Variants in NBPF11 observed in about 807,000 individuals in gnomAD.
The protein encoded by NBPF11 is NBPF family member NBPF11.
Under a neutral mutation model 93.9 loss-of-function variants are expected in NBPF11, and 72 were observed. The ratio of observed to expected loss-of-function variants is 0.77; its 90% CI spans 0.63 to 0.93. NBPF11 has a LOEUF of 0.93. NBPF11 is among the 40% of genes least tolerant of loss of function. The pLI is 0.00. For synonymous variants in NBPF11, 224 were observed against 304.9 expected, an observed-to-expected ratio of 0.73 and a Z score of 2.76; for missense variants, 705 against 802.2, an observed-to-expected ratio of 0.88 and a Z score of 1.46.
At chr1:148,142,360 T>C (rs1672332758) in intron 2 of NBPF11, among the ~76,000 whole-genome samples, 1 of 151,950 alleles carries the variant, frequency 6.6e-6, no homozygotes, top group Non-Finnish European at 1.5e-5. Context: ...ATTATTCCTC[T>C]GGCCCGCTGT....
At chr1:148,133,010 A>G (rs1442532235) in intron 4 of NBPF11, among the ~76,000 whole-genome samples, 1 of 148,476 alleles carries the variant, frequency 6.7e-6, no homozygotes, top group African/African-American at 2.5e-5. Context: ...TCGGCTTCCC[A>G]AAGTGCTGAG....
At chr1:148,124,586 C>T (rs1553272435) in intron 6 of NBPF11, among the ~76,000 whole-genome samples, 2 of 151,528 alleles carry the variant, frequency 1.3e-5, no homozygotes, top group African/African-American at 2.4e-5. Context: ...AGTGGGGTGG[C>T]AATAGCACAC....
At chr1:148,103,958 C>A in intron 23 of NBPF11, 46 bp from the exon 24 acceptor site, 9 of 1,610,244 alleles carry the variant, frequency 5.6e-6, no homozygotes, top group African/African-American at 1.3e-5. Context: ...GAAAATCAGA[C>A]ACCACAGAGC....
chr1:148,141,535 T>C (rs1308294517), intron 2 of NBPF11, among the ~76,000 whole-genome samples: 2 of 152,038 alleles, frequency 1.3e-5, no homozygotes, highest in Non-Finnish European at 2.9e-5. Flanking sequence ...CATCCTGTTA[T>C]TGTTTGGTTA....
intron 4 of NBPF11, among the ~76,000 whole-genome samples, chr1:148,128,961 G>A (rs1207563624): frequency 2.0e-3 from 298 of 147,760 alleles, no homozygotes; most frequent in Admixed American, 6.0e-3. Flanking sequence ...AGAACACTTG[G>A]ACACAGGGCG....
intron 1 of NBPF11, among the ~76,000 whole-genome samples, chr1:148,148,602 T>C (rs1647356117): frequency 1.3e-5 from 2 of 151,894 alleles, no homozygotes; most frequent in Non-Finnish European, 2.9e-5. Context: ...CTGACCTGGG[T>C]TGCACTGGCA....
chr1:148,147,997 G>T (rs2149312009), intron 1 of NBPF11, among the ~76,000 whole-genome samples: 2 of 152,226 alleles, frequency 1.3e-5, no homozygotes, highest in South Asian at 2.1e-4. Flanking sequence ...CTCCACTGGG[G>T]ATGTGTCCCG....
intron 1 of NBPF11, among the ~76,000 whole-genome samples, chr1:148,148,339 C>G (rs1238641642): frequency 6.6e-6 from 1 of 152,338 alleles, no homozygotes; most frequent in East Asian, 1.9e-4. Context: ...GAGCCTAGAG[C>G]GTGTGGGAGG....
chr1:148,149,141 C>T, intron 1 of NBPF11: 1 of 1,585,426 alleles, frequency 6.3e-7, no homozygotes, highest in South Asian at 1.1e-5. Context: ...CCGCGGCTGA[C>T]CCTGCTCCGG....
chr1:148,107,366 T>G, intron 19 of NBPF11, among the ~76,000 whole-genome samples: 1 of 150,478 alleles, frequency 6.6e-6, no homozygotes, highest in East Asian at 1.9e-4. Context: ...GGTGACACAC[T>G]GATGAAGGGG....
In NBPF11 at chr1:148,103,798, G is replaced by C. The variant is rs1208843571; in HGVS notation, c.*98C>G. The stretch of plus-strand genomic sequence containing the variant: ...CCTCAAATGAGTAAAACACACTTCT[G>C]TAGTGCTGGAATGAGTCAGGTAGTT... On this transcript the variant is annotated 3_prime_UTR_variant, in exon 24 of 24. Coordinates refer to ENST00000682118, the MANE Select transcript of NBPF11 (RefSeq NM_001385469.3). The C allele has an allele frequency of 0.078, 126,141 of 1,610,340 alleles. 4,186 individuals are homozygous for C. The highest frequency in any genetic ancestry group is 0.17 in the Middle Eastern group (822 of 4,762).
intron 1 of NBPF11, chr1:148,149,258 G>A (rs1647608363): frequency 6.3e-7 from 1 of 1,595,742 alleles, no homozygotes; most frequent in Non-Finnish European, 8.5e-7. Flanking sequence ...TGCCGCGGTG[G>A]TGCTGCACTC....
At position 148,103,436 on chromosome 1, in the gene NBPF11, C is replaced by A; in HGVS notation, c.*460G>T. The A allele has an allele frequency of 1.5e-6, 1 of 646,560 alleles. No individual in the cohort carries two copies. 40.1% of individuals were successfully genotyped at this position (646,560 alleles called of 1,614,324 possible). A position where few individuals can be genotyped will look rare whatever the true frequency, so the allele number is the denominator to read the frequency against. On this transcript the variant is annotated 3_prime_UTR_variant, in exon 24 of 24. Coordinates refer to ENST00000682118, the MANE Select transcript of NBPF11 (RefSeq NM_001385469.3). ...GTTCAAATTAAAATGTCCGACTGAT[C>A]ACTCCCGGCATGTGCTGCACAGTTA...
chr1:148,137,099 C>T (rs1671423338), intron 3 of NBPF11, among the ~76,000 whole-genome samples: 2 of 151,936 alleles, frequency 1.3e-5, no homozygotes, highest in Non-Finnish European at 2.9e-5. Flanking sequence ...TGATGAGACA[C>T]CATTCCTGTG....
At position 148,126,930 on chromosome 1, in the gene NBPF11, C is replaced by T. The variant is rs1553273281; in HGVS notation, c.74G>A (p.Arg25His). ...CTGTTTGTTCTCTGCCAACTGGGGG[C>T]GCAATTTCTCGTTGATTTCTAGAAT... The part of the protein sequence containing the change: ...MNILEINEKL[R>H]PQLAENKQQF... The change falls in exon 5 of 24, where the codon CGC becomes CAC. Residue 25 changes from arginine (R) to histidine (H), a missense_variant. Arg to His is a conservative substitution (Grantham distance 29). Around this residue, in one of 12 missense-constraint regions of NBPF11, gnomAD observed 128 missense variants for 112.8 expected, o/e 1.14. Coordinates refer to ENST00000682118, the MANE Select transcript of NBPF11 (RefSeq NM_001385469.3). 59 of 1,064,474 alleles carry T rather than the reference C, an allele frequency of 5.5e-5. No homozygotes were observed. Among genetic ancestry groups the T allele is most frequent in the South Asian group, 2.4e-4 (19 of 79,220 alleles). 65.9% of individuals were successfully genotyped at this position (1,064,474 alleles called of 1,614,324 possible).
intron 8 of NBPF11, 64 bp downstream of exon 8, chr1:148,122,665 G>A: frequency 2.5e-6 from 4 of 1,595,384 alleles, no homozygotes; most frequent in East Asian, 2.2e-5. Context: ...GCCAGAGAGG[G>A]CGTGCCTCCT....
intron 9 of NBPF11, 55 bp from the exon 10 acceptor site, chr1:148,120,765 G>A (rs1342706340): frequency 4.1e-6 from 5 of 1,233,352 alleles, no homozygotes; most frequent in Non-Finnish European, 6.0e-6. Flanking sequence ...AAATCAAATA[G>A]GCTTAATCAG....
At position 148,141,998 on chromosome 1, in the gene NBPF11, G is replaced by A. The variant is rs1427911860; in HGVS notation, c.-277+1417C>T. ...GAAGAAAGGAAAGAATGGAGGGAGG[G>A]AGGGAAGGAGGGAGGGAGGAAGGAA... On this transcript the variant is annotated intron_variant, in intron 2 of 23. Transcript: ENST00000682118. Among the ~76,000 whole-genome samples the A allele has an allele frequency of 8.3e-5, 11 of 132,866 alleles. No homozygotes were observed. In the South Asian group the frequency reaches 1.5e-3, roughly 18 times the overall value. The allele number at this position is 132,866 out of a possible 152,430, so 87.2% of individuals were successfully genotyped here. A position where few individuals can be genotyped will look rare whatever the true frequency, so the allele number is the denominator to read the frequency against.
rs2149149390 is a variant in NBPF11 at position 148,102,408 on chromosome 1, T to A, written c.*1488A>T. On this transcript the variant is annotated 3_prime_UTR_variant, in exon 24 of 24. Transcript: ENST00000682118. The stretch of plus-strand genomic sequence containing the variant: ...ATATTTATACTCTTGAAAACCACTT[T>A]CCCAAGTACTTCATTATAAGTAAGG... 6.6e-6 allele frequency: 1 copy of A among 151,894 alleles called. No homozygotes were observed. The highest frequency in any genetic ancestry group is 2.4e-5 in the African/African-American group (1 of 41,238). 9.4% of individuals were successfully genotyped at this position (151,894 alleles called of 1,614,324 possible).
Sources: allele counts gnomAD v4.1 joint callset (sites outside exome capture counted in the v4.1 genomes callset), GRCh38; gene constraint gnomAD v4.1.1; regional missense constraint gnomAD v4.1.1; transcripts MANE v1.5; gene names NCBI Gene and HGNC (gene_info 2026-07-23, HGNC 2026-07-21).